The following SLC36A1 variants were observed in gnomAD, a reference collection of about 807,000 sequenced individuals.
SLC36A1 encodes the protein solute carrier family 36 member 1.
SLC36A1 carries 30 observed loss-of-function variants against 47.5 expected under a neutral mutation model. The observed-to-expected ratio is 0.63, with a 90% CI of 0.47 to 0.86. The LOEUF is 0.86. Among genes scored for constraint, SLC36A1 ranks in the 40% least tolerant of loss-of-function variants. SLC36A1 has a pLI of 0.00. For missense variants in SLC36A1, 517 were observed against 606.0 expected, an observed-to-expected ratio of 0.85 and a Z score of 1.54; for synonymous variants, 255 against 249.7, an observed-to-expected ratio of 1.02 and a Z score of -0.20.
In SLC36A1 at chr5:151,479,562, A is replaced by G. The variant is rs79514922; in HGVS notation, c.1159+73A>G. ...CCCAGTCTGCAGGCTTTCATGAGAA[A>G]AGACAATGTGTGTTGTAGTGAAGCT... is the stretch of plus-strand genomic sequence containing the variant. On this transcript the variant is annotated intron_variant, in intron 10 of 10. Transcript: ENST00000243389. The G allele has an allele frequency of 0.011, 17,277 of 1,543,362 alleles. 1,374 individuals are homozygous for G. In the African/African-American group the frequency reaches 0.19, roughly 17 times the overall value.
rs866373155 is a variant in SLC36A1 at position 151,439,560 on chromosome 5, G to A, written c.-6+2381G>A. On this transcript the variant is annotated intron_variant, in intron 1 of 8. Transcript: ENST00000429484. ...TCCAGCTACTTGGGAGGCTGAAGCA[G>A]GAGAATTGCTTGAACTCGGAAGGTG... Among the ~76,000 whole-genome samples, 5 of 151,914 alleles carry A rather than the reference G, an allele frequency of 3.3e-5. No individual in the cohort carries two copies. The Middle Eastern group carries it at 0.01, about 310-fold the overall frequency.
the SLC36A1 span, among the ~76,000 whole-genome samples, chr5:151,427,382 G>C: frequency 6.6e-6 from 1 of 152,338 alleles, no homozygotes; most frequent in South Asian, 2.1e-4. Flanking sequence ...CCAGGGAGCT[G>C]TTTCAATTGC....
At chr5:151,506,238 T>C in the SLC36A1 span, 1 of 812,130 alleles carries the variant, frequency 1.2e-6, no homozygotes, top group Non-Finnish European at 1.7e-6. Context: ...GTTGTCTCTG[T>C]TGGCTTACGT....
chr5:151,448,643 T>C (rs191182494), intron 1 of SLC36A1, among the ~76,000 whole-genome samples: 108 of 152,334 alleles, frequency 7.1e-4, no homozygotes, highest in African/African-American at 2.3e-3. Flanking sequence ...TAAAGACCTT[T>C]GCTTTATTTT....
chr5:151,519,578 C>T, the SLC36A1 span, among the ~76,000 whole-genome samples: 1 of 152,184 alleles, frequency 6.6e-6, no homozygotes, highest in Non-Finnish European at 1.5e-5. Context: ...AAAATCTTAC[C>T]ATCATGGGTG....
chr5:151,496,713 G>A (rs1465851235), downstream of SLC36A1, among the ~76,000 whole-genome samples: 2 of 152,136 alleles, frequency 1.3e-5, no homozygotes, highest in African/African-American at 2.4e-5. Flanking sequence ...ATGCCACCAC[G>A]CCTAGCTGAT....
At chr5:151,400,061 G>A in the SLC36A1 span, among the ~76,000 whole-genome samples, 2 of 152,014 alleles carry the variant, frequency 1.3e-5, no homozygotes, top group Admixed American at 6.6e-5. Context: ...TGTTACATGG[G>A]TATATTATTA....
the SLC36A1 span, chr5:151,347,647 G>A: frequency 7.9e-6 from 5 of 632,894 alleles, no homozygotes; most frequent in African/African-American, 9.2e-5. Flanking sequence ...GGAGAAGCCA[G>A]TGGACGAGGA....
chr5:151,426,137 T>C, the SLC36A1 span, among the ~76,000 whole-genome samples: 1 of 152,268 alleles, frequency 6.6e-6, no homozygotes, highest in East Asian at 1.9e-4. Flanking sequence ...AACTGCATGC[T>C]ATTCTGTTGG....
intron 7 of SLC36A1, chr5:151,470,809 C>T (rs1449028636): frequency 6.6e-6 from 1 of 152,122 alleles, no homozygotes; most frequent in Non-Finnish European, 1.5e-5. Flanking sequence ...TCCTCTTGCC[C>T]CTCATGCACG....
the SLC36A1 span, among the ~76,000 whole-genome samples, chr5:151,424,725 T>G: frequency 6.6e-6 from 1 of 152,036 alleles, no homozygotes; most frequent in East Asian, 1.9e-4. Flanking sequence ...TTGTCGAGTA[T>G]TCTAAAGTTT....
the SLC36A1 span, among the ~76,000 whole-genome samples, chr5:151,497,405 A>G: frequency 6.6e-6 from 1 of 152,116 alleles, no homozygotes; most frequent in Non-Finnish European, 1.5e-5. Context: ...TGATTTTTGA[A>G]TATTGAACTG....
chr5:151,467,631 A>G, intron 6 of SLC36A1, 76 bp from the exon 7 acceptor site: 1 of 1,254,286 alleles, frequency 8.0e-7, no homozygotes. Flanking sequence ...TTCCTCAGGA[A>G]CCTCTTCCAG....
At chr5:151,417,208 A>G in the SLC36A1 span, among the ~76,000 whole-genome samples, 5 of 152,220 alleles carry the variant, frequency 3.3e-5, no homozygotes, top group Admixed American at 3.3e-4. Context: ...TTATTTTGGA[A>G]CTGGATAATG....
At chr5:151,533,900 A>G in the SLC36A1 span, among the ~76,000 whole-genome samples, 1 of 152,152 alleles carries the variant, frequency 6.6e-6, no homozygotes, top group Non-Finnish European at 1.5e-5. Context: ...AATGCAATTT[A>G]CCTTGTAAAT....
At chr5:151,398,373 C>A in the SLC36A1 span, among the ~76,000 whole-genome samples, 1 of 152,162 alleles carries the variant, frequency 6.6e-6, no homozygotes, top group Non-Finnish European at 1.5e-5. Flanking sequence ...GTAAGGTGAC[C>A]CGCAGTAATG....
the SLC36A1 span, among the ~76,000 whole-genome samples, chr5:151,402,707 T>C: frequency 6.6e-6 from 1 of 152,180 alleles, no homozygotes; most frequent in Non-Finnish European, 1.5e-5. Context: ...CTGTTCAGAG[T>C]CTTGATTTCC....
the SLC36A1 span, among the ~76,000 whole-genome samples, chr5:151,523,815 G>A: frequency 6.6e-5 from 10 of 152,152 alleles, no homozygotes; most frequent in Admixed American, 3.3e-4. Context: ...GGGAAATAAT[G>A]TGCAAAACAG....
At chr5:151,526,858 T>C in the SLC36A1 span, among the ~76,000 whole-genome samples, 6 of 152,172 alleles carry the variant, frequency 3.9e-5, no homozygotes, top group Non-Finnish European at 4.4e-5. Context: ...CAAATCCTAT[T>C]TGCAAACCAT....
Sources: allele counts gnomAD v4.1 joint callset (sites outside exome capture counted in the v4.1 genomes callset), GRCh38; gene constraint gnomAD v4.1.1; transcripts MANE v1.5; gene names NCBI Gene and HGNC (gene_info 2026-07-23, HGNC 2026-07-21).